SNORC: variants seen among roughly 807,000 people sequenced by gnomAD.
The protein encoded by SNORC is secondary ossification center associated regulator of chondrocyte maturation.
Under a neutral mutation model 9.7 loss-of-function variants are expected in SNORC, and 11 were observed. The ratio of observed to expected loss-of-function variants is 1.14; its 90% confidence interval spans 0.72 to 1.88. The LOEUF (loss-of-function observed/expected upper bound fraction) is 1.88. Among genes scored for constraint, SNORC ranks in the 40% most tolerant of loss-of-function variants. The pLI is 0.00. For missense variants in SNORC, 197 were observed against 173.1 expected (o/e 1.14, Z -0.77); for synonymous variants, 108 against 88.7 (o/e 1.22, Z -1.22).
At chr2:232,870,335 G>A (rs766255599) in exon 1 of SNORC, 67 of 1,555,862 alleles carry the variant, frequency 4.3e-5, no homozygotes, top group Middle Eastern at 1.8e-4. Flanking sequence ...CCTCACTCCC[G>A]GCCAGGATGG....
At chr2:232,877,079 C>CCG, downstream of SNORC, 1 of 985,948 alleles carries the variant, frequency 1.0e-6, no homozygotes, top group Non-Finnish European at 1.2e-6. Flanking sequence ...AGGGCCCCAT[C>CCG]CGCGGGCTCA....
chr2:232,869,861 A>C (rs1270364313), upstream of SNORC: 14 of 252,780 alleles, frequency 5.5e-5, no homozygotes, highest in Non-Finnish European at 1.1e-4. Flanking sequence ...TGCCTGCTTC[A>C]GGCCAAATTT....
At chr2:232,878,194 G>A (rs558623988), downstream of SNORC, 5 of 152,452 alleles carry the variant, frequency 3.3e-5, no homozygotes, top group Admixed American at 2.0e-4. Flanking sequence ...CTGTTCTGGC[G>A]AGCAGGGAAA....
At chr2:232,876,649 C>G (rs906101910), downstream of SNORC, 1 of 1,020,628 alleles carries the variant, frequency 9.8e-7, no homozygotes, top group South Asian at 4.6e-5. The surrounding 1 kb of genome is among the most constrained non-coding windows in gnomAD (Gnocchi z 6.8). Flanking sequence ...CCGCGCGGCT[C>G]GGCGTCCCCG....
downstream of SNORC, chr2:232,877,152 G>C: frequency 1.0e-6 from 1 of 985,584 alleles, no homozygotes; most frequent in South Asian, 4.7e-5. Context: ...GTCGAGAGTC[G>C]ACGCCGGACA....
chr2:232,870,785 G>A (rs1299325766), intron 1 of SNORC, among the ~76,000 whole-genome samples: 1 of 152,200 alleles, frequency 6.6e-6, no homozygotes, highest in African/African-American at 2.4e-5. Flanking sequence ...TGAGGGGCCA[G>A]AGGAGTGCAG....
chr2:232,872,294 A>C (rs953290391), intron 1 of SNORC, among the ~76,000 whole-genome samples: 1 of 152,066 alleles, frequency 6.6e-6, no homozygotes, highest in Non-Finnish European at 1.5e-5. Context: ...GGCCTCAGCT[A>C]CTGAGGTGGG....
chr2:232,876,863 G>A (rs1227836434), downstream of SNORC: 6 of 985,434 alleles, frequency 6.1e-6, no homozygotes, highest in African/African-American at 8.7e-5. This position sits in a 1 kb window ranked among gnomAD's most constrained non-coding sequence, Gnocchi z 6.8. Flanking sequence ...GGCCCTCGCC[G>A]CGCTCCCCGG....
At position 232,876,385 on chromosome 2, in the gene SNORC, G is replaced by A; in HGVS notation, c.*29G>A. On this transcript the variant is annotated 3_prime_UTR_variant, in exon 3 of 3. Transcript: ENST00000331342. This position sits in a 1 kb window ranked among gnomAD's most constrained non-coding sequence, Gnocchi z 6.8. ...GAATAAAGGGGCCGCGCCCGGCCGC[G>A]GCGCGACTCGGCTGCACTCCTCACG... The A allele has an allele frequency of 3.3e-6, 5 of 1,511,760 alleles. No individual in the cohort carries two copies. The highest frequency in any genetic ancestry group is 4.4e-6 in the Non-Finnish European group (5 of 1,136,358). 93.6% of individuals were successfully genotyped at this position (1,511,760 alleles called of 1,614,324 possible). A position where few individuals can be genotyped will look rare whatever the true frequency, so the allele number is the denominator to read the frequency against.
chr2:232,876,735 A>G (rs1691267114), downstream of SNORC: 7 of 986,048 alleles, frequency 7.1e-6, no homozygotes, highest in South Asian at 4.7e-5. The surrounding 1 kb of genome is among the most constrained non-coding windows in gnomAD (Gnocchi z 6.8). Flanking sequence ...CCGCCAGGGC[A>G]TCGGAGCGGG....
chr2:232,876,023 A>G lies in SNORC; in HGVS notation c.157A>G (p.Ser53Gly), dbSNP rs1419361063. The change falls in exon 2 of 3, where the codon AGC becomes GGC. Residue 53 changes from serine (S) to glycine (G), a missense_variant. By Grantham distance (56) the Ser-to-Gly change is moderately conservative (BLOSUM62 0). Coordinates refer to ENST00000331342, the Ensembl canonical transcript of SNORC. This position sits in a 1 kb window ranked among gnomAD's most constrained non-coding sequence, Gnocchi z 6.8. Reference sequence around the variant, plus strand: ...GGGAGAAGGCCCCGTGGAGAGCACCAGCCCCGGCCGGGAGCCCGTGGACAC... The same window carrying G: ...GGGAGAAGGCCCCGTGGAGAGCACCGGCCCCGGCCGGGAGCCCGTGGACAC... 3 of 1,547,684 alleles carry G rather than the reference A, an allele frequency of 1.9e-6. No homozygotes were observed. The highest frequency in any genetic ancestry group is 2.4e-5 in the South Asian group (2 of 84,276).
upstream of SNORC, among the ~76,000 whole-genome samples, chr2:232,866,895 G>A (rs914034773): frequency 1.3e-5 from 2 of 152,140 alleles, no homozygotes; most frequent in African/African-American, 2.4e-5. Flanking sequence ...TATATTTTTA[G>A]TAGAGACTAT....
At chr2:232,876,786 C>A, downstream of SNORC, 4 of 985,268 alleles carry the variant, frequency 4.1e-6, no homozygotes, top group Non-Finnish European at 4.8e-6. The surrounding 1 kb of genome is among the most constrained non-coding windows in gnomAD (Gnocchi z 6.8). Flanking sequence ...GGCACCGTCA[C>A]GGTCAGGGCC....
intron 1 of SNORC, 93 bp downstream of exon 1, chr2:232,870,507 A>G: frequency 8.1e-7 from 1 of 1,240,060 alleles, no homozygotes; most frequent in Non-Finnish European, 1.1e-6. Flanking sequence ...ACTGGGGAGG[A>G]AGCCCTCTCA....
rs1691208784 is a variant in SNORC at position 232,875,855 on chromosome 2, G to T, written c.74-85G>T. On this transcript the variant is annotated intron_variant, in intron 1 of 2. Coordinates refer to ENST00000331342, the Ensembl canonical transcript of SNORC. ...CCAGACCCCTCACACAGCGCTACCG[G>T]CAACTTGCTTAACCTAGAGGTGGGG... 2.9e-6 allele frequency: 4 copies of T among 1,382,758 alleles called. No individual in the cohort carries two copies. The South Asian group carries it at 4.2e-5, about 15-fold the overall frequency. 85.7% of individuals were successfully genotyped at this position (1,382,758 alleles called of 1,614,324 possible). A position where few individuals can be genotyped will look rare whatever the true frequency, so the allele number is the denominator to read the frequency against.
intron 1 of SNORC, among the ~76,000 whole-genome samples, chr2:232,874,674 T>C (rs1691150781): frequency 6.6e-6 from 1 of 152,134 alleles, no homozygotes. Flanking sequence ...GGTGAACCTA[T>C]GAGGAGGGCA....
chr2:232,875,618 G>C (rs1332771078), intron 1 of SNORC: 1 of 481,780 alleles, frequency 2.1e-6, no homozygotes, highest in Non-Finnish European at 3.9e-6. Context: ...GTGGGACTGA[G>C]AATGTCTCCT....
Position 232,876,070 on chromosome 2 carries a change from C to T in SNORC, c.204C>T (p.Val68=), listed in dbSNP as rs538183598. 4 of 1,534,550 alleles carry T rather than the reference C, an allele frequency of 2.6e-6. No homozygotes were observed. Among genetic ancestry groups the T allele is most frequent in the Non-Finnish European group, 3.5e-6 (4 of 1,145,470 alleles). ...ACACCGGTCCCCCAGCCCCCACCGT[C>T]GCGCCAGGACCCGAGGACAGCACCG... Residue 68 remains valine, a synonymous_variant, in exon 2 of 3, where the codon GTC becomes GTT. Coordinates refer to ENST00000331342, the Ensembl canonical transcript of SNORC. The surrounding 1 kb of genome is among the most constrained non-coding windows in gnomAD (Gnocchi z 6.8).
intron 1 of SNORC, chr2:232,875,445 TCC>T (rs1691190667): frequency 2.6e-6 from 1 of 387,922 alleles, no homozygotes; most frequent in African/African-American, 2.1e-5. Flanking sequence ...CGACCTACCA[TCC>T]CCATGTTGAG....
Sources: allele counts gnomAD v4.1 joint callset (sites outside exome capture counted in the v4.1 genomes callset), GRCh38; gene constraint gnomAD v4.1.1; non-coding constraint Gnocchi (gnomAD v3.1); transcripts MANE v1.5; gene names NCBI Gene and HGNC (gene_info 2026-07-23, HGNC 2026-07-21).